ABI1: variants seen among roughly 807,000 people sequenced by gnomAD.
The protein encoded by ABI1 is abl interactor 1.
ABI1 carries 14 observed loss-of-function variants against 54.6 expected under a neutral mutation model. The ratio of observed to expected loss-of-function variants is 0.26; its 90% CI spans 0.17 to 0.40. ABI1 has a LOEUF of 0.40. Among genes scored for constraint, ABI1 ranks in the 10% least tolerant of loss-of-function variants. ABI1 has a pLI of 1.00. For synonymous variants in ABI1, 194 were observed against 209.3 expected (o/e 0.93, Z 0.63); for missense variants, 443 against 598.3 (o/e 0.74, Z 2.71).
At chr10:26,756,567 T>A (rs1838335180) in intron 8 of ABI1, among the ~76,000 whole-genome samples, 1 of 152,294 alleles carries the variant, frequency 6.6e-6, no homozygotes, top group Non-Finnish European at 1.5e-5. Context: ...CACATTCATA[T>A]GCATTTGTGG....
intron 7 of ABI1, among the ~76,000 whole-genome samples, chr10:26,762,396 G>T (rs1839352472): frequency 6.6e-6 from 1 of 152,106 alleles, no homozygotes; most frequent in East Asian, 1.9e-4. Flanking sequence ...GTCTAGAAGG[G>T]ACCTGAGAAT....
At chr10:26,761,036 G>A (rs1321029184) in intron 7 of ABI1, among the ~76,000 whole-genome samples, 3 of 151,570 alleles carry the variant, frequency 2.0e-5, no homozygotes, top group Non-Finnish European at 4.4e-5. Flanking sequence ...TCAACCTCCT[G>A]GACTCAAGCA....
chr10:26,746,610 A>AT lies in ABI1; in HGVS notation c.*1959dup, dbSNP rs67302665. 2,756 of 862,466 alleles carry AT rather than the reference A, an allele frequency of 3.2e-3. No individual in the cohort carries two copies. The highest frequency in any genetic ancestry group is 4.2e-3 in the Middle Eastern group (12 of 2,852). 53.4% of individuals were successfully genotyped at this position (862,466 alleles called of 1,614,324 possible). A position where few individuals can be genotyped will look rare whatever the true frequency, so the allele number is the denominator to read the frequency against. On this transcript the variant is annotated 3_prime_UTR_variant, in exon 11 of 11. Transcript: ENST00000376140. ...TATCAAACTTATTGATGGGCAATTT[A>AT]TTTTTTTTTATTGCAAAAGTTTTTT...
intron 2 of ABI1, among the ~76,000 whole-genome samples, chr10:26,786,796 T>G (rs554348464): frequency 1.3e-5 from 2 of 152,274 alleles, no homozygotes; most frequent in East Asian, 3.9e-4. Flanking sequence ...CTCGGCAAAC[T>G]CATCCACATT....
At chr10:26,803,749 A>G (rs1022514238) in intron 2 of ABI1, among the ~76,000 whole-genome samples, 2 of 152,212 alleles carry the variant, frequency 1.3e-5, no homozygotes, top group African/African-American at 4.8e-5. Flanking sequence ...AAAGAACTAC[A>G]GATTTTCTAA....
chr10:26,779,949 T>C (rs1424721176), intron 2 of ABI1, among the ~76,000 whole-genome samples: 2 of 152,170 alleles, frequency 1.3e-5, no homozygotes, highest in African/African-American at 4.8e-5. Flanking sequence ...TCAAAGAATC[T>C]AGATAATTCT....
chr10:26,834,548 A>AACACACACACACACACAC, intron 1 of ABI1, among the ~76,000 whole-genome samples: 1 of 138,546 alleles, frequency 7.2e-6, no homozygotes, highest in Non-Finnish European at 1.6e-5. Context: ...AGACATACAA[A>AACACACACACACACACAC]ACACACACAC....
chr10:26,799,268 G>A (rs2133336548), intron 2 of ABI1, among the ~76,000 whole-genome samples: 1 of 151,856 alleles, frequency 6.6e-6, no homozygotes, highest in Non-Finnish European at 1.5e-5. Flanking sequence ...TTAATATATA[G>A]TATATTAATA....
intron 8 of ABI1, among the ~76,000 whole-genome samples, chr10:26,756,360 G>A (rs183050120): frequency 6.6e-6 from 1 of 151,878 alleles, no homozygotes; most frequent in Admixed American, 6.6e-5. Context: ...TTTTTAAGTT[G>A]GCAATTTTAT....
At chr10:26,818,682 A>G (rs10829074) in intron 2 of ABI1, among the ~76,000 whole-genome samples, 21,531 of 150,164 alleles carry the variant, frequency 0.14, 2,044 homozygotes, top group African/African-American at 0.27. Flanking sequence ...AAACATACAC[A>G]AAAAGAAAAT....
intron 7 of ABI1, among the ~76,000 whole-genome samples, chr10:26,761,644 A>G (rs1308589026): frequency 1.7e-5 from 2 of 119,406 alleles, no homozygotes; most frequent in African/African-American, 6.7e-5. Context: ...ATATATATAT[A>G]TATATATATA....
chr10:26,786,860 C>A (rs1160753816), intron 2 of ABI1, among the ~76,000 whole-genome samples: 1 of 152,112 alleles, frequency 6.6e-6, no homozygotes, highest in African/African-American at 2.4e-5. Context: ...ATTCAAGAAC[C>A]CTCCTCTAAG....
chr10:26,765,457 A>C (rs1421390906), intron 6 of ABI1, 139 bp from the exon 7 acceptor site: 1 of 661,672 alleles, frequency 1.5e-6, no homozygotes, highest in Non-Finnish European at 2.5e-6. Flanking sequence ...TGGTTTCAAG[A>C]GCCCCCTTGG....
chr10:26,844,881 C>A (rs1003495992), intron 1 of ABI1, among the ~76,000 whole-genome samples: 1 of 152,184 alleles, frequency 6.6e-6, no homozygotes, highest in Non-Finnish European at 1.5e-5. Flanking sequence ...TCATGAAATA[C>A]TCTTTACAGT....
chr10:26,816,847 T>G (rs2047595194), intron 2 of ABI1, among the ~76,000 whole-genome samples: 1 of 152,190 alleles, frequency 6.6e-6, no homozygotes, highest in Non-Finnish European at 1.5e-5. Flanking sequence ...TCACCATTTT[T>G]TATAATCTCC....
intron 2 of ABI1, among the ~76,000 whole-genome samples, chr10:26,804,726 C>A (rs1051695010): frequency 6.6e-5 from 10 of 152,122 alleles, no homozygotes; most frequent in Admixed American, 5.9e-4. Flanking sequence ...GATAACTAAA[C>A]TCAAAAAGGT....
chr10:26,823,603 C>A (rs539203679), intron 1 of ABI1, among the ~76,000 whole-genome samples: 2 of 152,294 alleles, frequency 1.3e-5, no homozygotes, highest in South Asian at 4.1e-4. Context: ...CTTTCCATCA[C>A]CAATTCACTG....
At chr10:26,820,907 G>C (rs1415822458) in intron 2 of ABI1, among the ~76,000 whole-genome samples, 1 of 151,800 alleles carries the variant, frequency 6.6e-6, no homozygotes, top group East Asian at 1.9e-4. Context: ...AAAGATTAAG[G>C]GTCTCAAGTA....
intron 2 of ABI1, among the ~76,000 whole-genome samples, chr10:26,792,749 T>C (rs986548400): frequency 2.0e-5 from 3 of 152,202 alleles, no homozygotes; most frequent in Non-Finnish European, 2.9e-5. Flanking sequence ...TTTTCTAAAA[T>C]GTAGAAATAA....
Sources: gnomAD v4.1 joint callset for allele counts (sites outside exome capture counted in the v4.1 genomes callset) on GRCh38, gnomAD v4.1.1 for gene constraint, MANE v1.5 for transcripts, NCBI Gene and HGNC (gene_info 2026-07-23, HGNC 2026-07-21) for gene names.